PPIH: variants seen among roughly 807,000 people sequenced by gnomAD.
The protein encoded by PPIH is peptidylprolyl isomerase H.
In PPIH, 16 loss-of-function variants were observed where a neutral mutation model predicts 27.6. The ratio of observed to expected loss-of-function variants is 0.58; its 90% CI spans 0.39 to 0.88. The LOEUF is 0.88. PPIH is among the 40% of genes least tolerant of loss of function. The pLI, the probability that PPIH is intolerant of heterozygous loss-of-function variation, is 0.00. For missense variants in PPIH, 155 were observed against 224.1 expected (o/e 0.69, Z 1.97); for synonymous variants, 63 against 76.1 (o/e 0.83, Z 0.90).
At chr1:42,669,329 C>T (rs1383931909) in intron 9 of PPIH, among the ~76,000 whole-genome samples, 1 of 152,146 alleles carries the variant, frequency 6.6e-6, no homozygotes, top group Non-Finnish European at 1.5e-5. Flanking sequence ...AAATTCCACA[C>T]CTGACTTCAT....
At chr1:42,669,725 T>A (rs778438634) in intron 9 of PPIH, among the ~76,000 whole-genome samples, 1 of 152,268 alleles carries the variant, frequency 6.6e-6, no homozygotes, top group Admixed American at 6.5e-5. Flanking sequence ...GAAGTCCAAA[T>A]TATCAGTCTT....
intron 4 of PPIH, 60 bp from the exon 5 acceptor site, chr1:42,660,799 TAAC>T (rs1648966920): frequency 5.9e-6 from 8 of 1,344,694 alleles, no homozygotes; most frequent in African/African-American, 1.5e-5. Context: ...AATACAATAA[TAAC>T]AACATCTATG....
chr1:42,679,484 C>G (rs565050111), downstream of PPIH, among the ~76,000 whole-genome samples: 1 of 152,344 alleles, frequency 6.6e-6, no homozygotes, highest in East Asian at 1.9e-4. Context: ...TGCCTGGCTG[C>G]AAACTAGTTT....
chr1:42,676,793 GGTT>G (rs1649906995), downstream of PPIH: 2 of 151,722 alleles, frequency 1.3e-5, no homozygotes, highest in African/African-American at 4.8e-5. Context: ...TTTGTTTGTG[GGTT>G]GTTTTTAAAT....
chr1:42,672,772 G>A (rs530031957), intron 9 of PPIH, among the ~76,000 whole-genome samples: 1 of 150,764 alleles, frequency 6.6e-6, no homozygotes, highest in Admixed American at 6.6e-5. Context: ...TCAGCCTCCC[G>A]AATAGCAGGG....
chr1:42,672,404 A>G (rs946592311), intron 9 of PPIH, among the ~76,000 whole-genome samples: 2 of 151,986 alleles, frequency 1.3e-5, no homozygotes, highest in African/African-American at 2.4e-5. Context: ...ACCAAGAGGA[A>G]GTACTCTCTT....
intron 9 of PPIH, among the ~76,000 whole-genome samples, chr1:42,674,720 G>A (rs1649800265): frequency 6.6e-6 from 1 of 152,242 alleles, no homozygotes; most frequent in African/African-American, 2.4e-5. Context: ...TACTGCAGTA[G>A]TAGTCCAGGC....
chr1:42,671,534 C>T (rs573323564), intron 9 of PPIH, among the ~76,000 whole-genome samples: 2 of 152,368 alleles, frequency 1.3e-5, no homozygotes, highest in South Asian at 2.1e-4. Flanking sequence ...TCTCAATCTA[C>T]TCGCCCTGGC....
At chr1:42,673,731 A>G (rs1349002153) in intron 9 of PPIH, among the ~76,000 whole-genome samples, 1 of 152,236 alleles carries the variant, frequency 6.6e-6, no homozygotes, top group African/African-American at 2.4e-5. Context: ...ACTGTCTTTT[A>G]TTTTAATATT....
chr1:42,665,925 C>T (rs1649306612), intron 6 of PPIH, 55 bp from the exon 7 acceptor site: 1 of 1,440,376 alleles, frequency 6.9e-7, no homozygotes, highest in South Asian at 1.1e-5. Flanking sequence ...GAAATCTTGC[C>T]CTTCAGCTAA....
chr1:42,678,977 G>A (rs999125410), downstream of PPIH: 3 of 152,248 alleles, frequency 2.0e-5, no homozygotes, highest in Non-Finnish European at 4.4e-5. Context: ...GGGGGGACAA[G>A]GTAAAAGTTA....
intron 9 of PPIH, among the ~76,000 whole-genome samples, chr1:42,669,580 C>A (rs1007058076): frequency 9.2e-5 from 14 of 152,126 alleles, no homozygotes; most frequent in Non-Finnish European, 1.3e-4. Context: ...TGAGCCACTG[C>A]CCCCAACTGA....
chr1:42,662,870 T>C (rs1649118557), intron 5 of PPIH, among the ~76,000 whole-genome samples: 1 of 152,238 alleles, frequency 6.6e-6, no homozygotes, highest in Non-Finnish European at 1.5e-5. Context: ...AAATAATCTA[T>C]ATGTTTTACT....
At chr1:42,658,580 C>T (rs1428621177) in intron 1 of PPIH, 68 bp downstream of exon 1, 9 of 1,519,014 alleles carry the variant, frequency 5.9e-6, no homozygotes, top group Non-Finnish European at 7.3e-6. Context: ...AGGCAGAACT[C>T]ACCCAGAGAG....
intron 5 of PPIH, 78 bp downstream of exon 5, chr1:42,660,982 C>T (rs1219934828): frequency 3.9e-6 from 5 of 1,291,232 alleles, no homozygotes; most frequent in Non-Finnish European, 5.6e-6. Flanking sequence ...GTTTTTACTA[C>T]AGAGACCCAG....
chr1:42,658,438 G>C lies in PPIH; in HGVS notation c.-9G>C, dbSNP rs1417691592. On this transcript the variant is annotated 5_prime_UTR_variant, in exon 1 of 10. Coordinates refer to ENST00000304979, the MANE Select transcript of PPIH (RefSeq NM_006347.4). ...CCACGCTCCCGACTTCTGCTTCCGG[G>C]TCGGAGCCATGGCGGTGGCAAATTC... 6.2e-7 allele frequency: 1 copy of C among 1,613,390 alleles called. No individual in the cohort carries two copies. The highest frequency in any genetic ancestry group is 8.5e-7 in the Non-Finnish European group (1 of 1,179,424).
intron 8 of PPIH, among the ~76,000 whole-genome samples, chr1:42,667,138 T>C (rs1227278471): frequency 1.3e-5 from 2 of 152,246 alleles, no homozygotes; most frequent in Non-Finnish European, 2.9e-5. Context: ...TTCTCTCTTA[T>C]AACTTTTTCT....
chr1:42,681,053 T>A (rs2148732377), downstream of PPIH: 1 of 152,318 alleles, frequency 6.6e-6, no homozygotes, highest in South Asian at 2.1e-4. Context: ...GGGTAAGGAA[T>A]ACTGCATTAG....
intron 4 of PPIH, among the ~76,000 whole-genome samples, 168 bp from the exon 5 acceptor site, chr1:42,660,694 T>G (rs1441742357): frequency 4.6e-5 from 7 of 152,244 alleles, no homozygotes; most frequent in Non-Finnish European, 1.0e-4. Context: ...CCTCCCAAAC[T>G]GCTGGGATTA....
Sources: allele counts gnomAD v4.1 joint callset (sites outside exome capture counted in the v4.1 genomes callset), GRCh38; gene constraint gnomAD v4.1.1; transcripts MANE v1.5; gene names NCBI Gene and HGNC (gene_info 2026-07-23, HGNC 2026-07-21).